BRINP3: variants seen among roughly 807,000 people sequenced by gnomAD.
BRINP3 encodes the protein BMP/retinoic acid-inducible neural-specific protein 3.
BRINP3 carries 19 observed loss-of-function variants against 71.0 expected under a neutral mutation model. The ratio of observed to expected loss-of-function variants is 0.27; its 90% CI spans 0.19 to 0.39. BRINP3 has a LOEUF of 0.39. Among genes scored for constraint, BRINP3 ranks in the 10% least tolerant of loss-of-function variants. The pLI is 1.00. For missense variants in BRINP3, 959 were observed against 940.8 expected (o/e 1.02, Z -0.25); for synonymous variants, 380 against 337.7 (o/e 1.13, Z -1.37).
chr1:190,203,872 G>T (rs1308191270), intron 6 of BRINP3, among the ~76,000 whole-genome samples: 4 of 135,094 alleles, frequency 3.0e-5, no homozygotes, highest in African/African-American at 8.1e-5. Flanking sequence ...TGCATCTTTT[G>T]AAATGTATTT....
intron 2 of BRINP3, among the ~76,000 whole-genome samples, chr1:190,309,005 G>A (rs1388024044): frequency 1.3e-5 from 2 of 151,864 alleles, no homozygotes; most frequent in Non-Finnish European, 2.9e-5. Context: ...CATGTTCATA[G>A]CAGCATAATT....
chr1:190,219,014 G>T (rs1256259207), intron 6 of BRINP3, among the ~76,000 whole-genome samples: 2 of 152,024 alleles, frequency 1.3e-5, no homozygotes, highest in African/African-American at 4.8e-5. Context: ...CTCCATTCAG[G>T]ACTGCCAGTG....
At chr1:190,286,159 A>G (rs1014782563) in intron 2 of BRINP3, among the ~76,000 whole-genome samples, 1 of 152,104 alleles carries the variant, frequency 6.6e-6, no homozygotes, top group African/African-American at 2.4e-5. Flanking sequence ...AGGAGCCTCT[A>G]TTTGTTTATT....
chr1:190,417,256 T>C (rs1487665229), intron 2 of BRINP3, among the ~76,000 whole-genome samples: 1 of 152,016 alleles, frequency 6.6e-6, no homozygotes, highest in Non-Finnish European at 1.5e-5. Flanking sequence ...AAAAAAATCA[T>C]TTTGCCATAA....
At chr1:190,239,631 T>C (rs1487063651) in intron 4 of BRINP3, among the ~76,000 whole-genome samples, 1 of 152,130 alleles carries the variant, frequency 6.6e-6, no homozygotes, top group African/African-American at 2.4e-5. Flanking sequence ...TGTATAAATG[T>C]TATATGTTAC....
At chr1:190,430,725 G>A (rs1674039523) in intron 2 of BRINP3, among the ~76,000 whole-genome samples, 3 of 152,254 alleles carry the variant, frequency 2.0e-5, no homozygotes, top group Admixed American at 2.0e-4. Flanking sequence ...AGATTCAAAA[G>A]CAGTGATGGC....
intron 2 of BRINP3, among the ~76,000 whole-genome samples, chr1:190,291,681 A>G (rs1663879232): frequency 6.6e-6 from 1 of 152,196 alleles, no homozygotes; most frequent in South Asian, 2.1e-4. Context: ...TATGGAGAAA[A>G]GGTAACCCTT....
chr1:190,409,748 A>G (rs1156529384), intron 2 of BRINP3, among the ~76,000 whole-genome samples: 2 of 152,204 alleles, frequency 1.3e-5, no homozygotes, highest in Non-Finnish European at 2.9e-5. Context: ...GCAGACCATA[A>G]GAAGAACTGA....
At chr1:190,207,856 C>T (rs1655646796) in intron 6 of BRINP3, among the ~76,000 whole-genome samples, 1 of 152,024 alleles carries the variant, frequency 6.6e-6, no homozygotes. Flanking sequence ...TAACTCACAG[C>T]CTTGATAAGA....
intron 2 of BRINP3, among the ~76,000 whole-genome samples, chr1:190,426,721 T>G (rs1487083347): frequency 6.6e-6 from 1 of 151,886 alleles, no homozygotes; most frequent in African/African-American, 2.4e-5. Context: ...TGTTTCCTCA[T>G]AGTTTTCATT....
rs149098677 is a variant in BRINP3 at position 190,290,757 on chromosome 1, C to A, written c.237-9007G>T. ...GAGAGAAGATTGTTAGAAATAAATT[C>A]TCCGAGGCTGTATATCTAGCAAGAA... On this transcript the variant is annotated intron_variant, in intron 2 of 7. Coordinates refer to ENST00000367462, the MANE Select transcript of BRINP3 (RefSeq NM_199051.3). Among the ~76,000 whole-genome samples, 695 of 152,146 alleles carry A rather than the reference C, an allele frequency of 4.6e-3. 5 individuals carry two copies. The highest frequency in any genetic ancestry group is 0.016 in the African/African-American group (664 of 41,514).
chr1:190,237,164 A>G (rs1658604235), intron 4 of BRINP3, among the ~76,000 whole-genome samples: 1 of 151,902 alleles, frequency 6.6e-6, no homozygotes, highest in Non-Finnish European at 1.5e-5. Context: ...CATTCGCAAT[A>G]TACAATGATA....
Position 190,098,307 on chromosome 1 carries a change from T to C in BRINP3, c.2012A>G (p.Tyr671Cys). Residue 671 changes from tyrosine to cysteine, a missense_variant, in exon 8 of 8, where the codon TAC becomes TGC. Coordinates refer to ENST00000367462, the MANE Select transcript of BRINP3 (RefSeq NM_199051.3). ...MKINNIQVFG[Y>C]SMHFDPEAIR... ...TGCTTCAGGGTCAAAGTGCATGCTG[T>C]AGCCAAACACTTGAATGTTATTGAT... 6.2e-7 allele frequency: 1 copy of C among 1,614,154 alleles called. No homozygotes were observed. Among genetic ancestry groups the C allele is most frequent in the Non-Finnish European group, 8.5e-7 (1 of 1,180,030 alleles).
At chr1:190,188,774 T>C (rs1011566740) in intron 6 of BRINP3, among the ~76,000 whole-genome samples, 2 of 152,048 alleles carry the variant, frequency 1.3e-5, no homozygotes, top group South Asian at 4.1e-4. Flanking sequence ...TTTTTTTTTT[T>C]CACATGGTGG....
At chr1:190,211,001 C>T (rs908378925) in intron 6 of BRINP3, among the ~76,000 whole-genome samples, 1 of 152,100 alleles carries the variant, frequency 6.6e-6, no homozygotes. Flanking sequence ...TGGATTTATA[C>T]CAGTGATTTG....
At chr1:190,394,721 T>C (rs1176509624) in intron 2 of BRINP3, among the ~76,000 whole-genome samples, 1 of 151,650 alleles carries the variant, frequency 6.6e-6, no homozygotes, top group Non-Finnish European at 1.5e-5. Context: ...TGTTCACTGT[T>C]AATGCTTACC....
intron 3 of BRINP3, among the ~76,000 whole-genome samples, chr1:190,276,390 G>A (rs1336882246): frequency 4.6e-5 from 7 of 151,720 alleles, no homozygotes; most frequent in Non-Finnish European, 1.0e-4. Flanking sequence ...ACTTTATACA[G>A]AACATAATTC....
chr1:190,160,252 G>A (rs1289319351), intron 7 of BRINP3, among the ~76,000 whole-genome samples: 1 of 151,886 alleles, frequency 6.6e-6, no homozygotes. Flanking sequence ...TCTATACACT[G>A]GTTATAGAAA....
chr1:190,134,845 G>A (rs1368395827), intron 7 of BRINP3, among the ~76,000 whole-genome samples: 5 of 152,112 alleles, frequency 3.3e-5, no homozygotes, highest in African/African-American at 9.7e-5. Flanking sequence ...TGATCCTACA[G>A]AGCTGGAACA....
Sources: gnomAD v4.1 joint callset for allele counts (sites outside exome capture counted in the v4.1 genomes callset) on GRCh38, gnomAD v4.1.1 for gene constraint, MANE v1.5 for transcripts, NCBI Gene and HGNC (gene_info 2026-07-23, HGNC 2026-07-21) for gene names.